The following PDE7B variants were observed in gnomAD, a reference collection of about 807,000 sequenced individuals.
PDE7B encodes the protein 3',5'-cyclic-AMP phosphodiesterase 7B.
PDE7B carries 29 observed loss-of-function variants against 56.2 expected under a neutral mutation model. That is an observed-to-expected ratio of 0.52 (90% CI 0.38 to 0.70). The LOEUF is 0.70. Among genes scored for constraint, PDE7B ranks in the 30% least tolerant of loss-of-function variants. The probability of loss-of-function intolerance (pLI) is 0.00; values close to 1 mark genes in which losing one functional copy is unlikely to be tolerated. For synonymous variants in PDE7B, 197 were observed against 196.9 expected (o/e 1.00, Z 0.00); for missense variants, 490 against 565.0 (o/e 0.87, Z 1.35).
At chr6:135,912,243 A>C (rs1776225207) in intron 1 of PDE7B, among the ~76,000 whole-genome samples, 1 of 152,216 alleles carries the variant, frequency 6.6e-6, no homozygotes, top group Non-Finnish European at 1.5e-5. Context: ...CCTGGGTTCC[A>C]CATCAGCAGA....
chr6:136,023,153 C>A (rs901249980), intron 2 of PDE7B, among the ~76,000 whole-genome samples: 1 of 152,208 alleles, frequency 6.6e-6, no homozygotes, highest in Non-Finnish European at 1.5e-5. Context: ...ATTTTAGATG[C>A]CCATGAGGCC....
intron 1 of PDE7B, among the ~76,000 whole-genome samples, chr6:135,935,217 T>TATATATATATATATATATATATA (rs1554268029): frequency 1.8e-4 from 16 of 91,160 alleles, no homozygotes; most frequent in African/African-American, 5.4e-4. Context: ...TATATATATA[T>TATATATATATATATATATATATA]TTTCATGATT....
At chr6:136,084,305 T>C (rs563831477) in intron 2 of PDE7B, among the ~76,000 whole-genome samples, 19 of 152,200 alleles carry the variant, frequency 1.2e-4, no homozygotes, top group Non-Finnish European at 2.2e-4. Flanking sequence ...CTCTAATCAA[T>C]TGATACCTTG....
intron 2 of PDE7B, chr6:136,047,171 C>T (rs902677697): frequency 6.6e-6 from 1 of 152,196 alleles, no homozygotes; most frequent in Non-Finnish European, 1.5e-5. Flanking sequence ...AGACCTGATT[C>T]TTCTACCCTC....
chr6:136,153,932 C>T lies in PDE7B; in HGVS notation c.479-143C>T, dbSNP rs982510399. ...CTAGCAGAACTGCCAAGCTTGCAAA[C>T]CACGTTTATTTTTAAAGCATCTCTA... is the stretch of plus-strand genomic sequence containing the variant. On this transcript the variant is annotated intron_variant, in intron 6 of 12. Transcript: ENST00000308191. 5.3e-5 allele frequency: 31 copies of T among 589,292 alleles called. 2 individuals are homozygous for T. The East Asian group carries it at 8.8e-4, about 17-fold the overall frequency. The allele number at this position is 589,292 out of a possible 1,614,324, so 36.5% of individuals were successfully genotyped here. A position where few individuals can be genotyped will look rare whatever the true frequency, so the allele number is the denominator to read the frequency against.
chr6:136,048,069 TGGGTGG>T (rs1776546285), intron 2 of PDE7B, among the ~76,000 whole-genome samples: 23 of 147,272 alleles, frequency 1.6e-4, no homozygotes, highest in African/African-American at 4.9e-4. Context: ...GATGGATGGA[TGGGTGG>T]ATGGATAGAT....
chr6:135,932,492 C>A (rs976347967), intron 1 of PDE7B, among the ~76,000 whole-genome samples: 5 of 151,870 alleles, frequency 3.3e-5, no homozygotes, highest in Admixed American at 6.6e-5. Context: ...TTCAGCTAGA[C>A]CTTGAATAAT....
At chr6:136,037,081 G>C (rs916209931) in intron 2 of PDE7B, among the ~76,000 whole-genome samples, 3 of 152,200 alleles carry the variant, frequency 2.0e-5, no homozygotes, top group Non-Finnish European at 4.4e-5. Context: ...ACCACTCTCA[G>C]GTCGGGGACA....
chr6:136,013,475 C>G (rs535482107), intron 2 of PDE7B, among the ~76,000 whole-genome samples: 3 of 152,316 alleles, frequency 2.0e-5, no homozygotes, highest in South Asian at 4.2e-4. Context: ...GATCTCCGCT[C>G]TCAAGTGACT....
intron 2 of PDE7B, among the ~76,000 whole-genome samples, chr6:135,994,390 G>T (rs868496146): frequency 2.0e-5 from 3 of 152,252 alleles, no homozygotes; most frequent in Middle Eastern, 3.4e-3. Flanking sequence ...ACAGGGCTGA[G>T]TTACACAAAT....
intron 12 of PDE7B, among the ~76,000 whole-genome samples, chr6:136,189,753 G>C (rs371061444): frequency 6.6e-6 from 1 of 151,424 alleles, no homozygotes; most frequent in African/African-American, 2.4e-5. Flanking sequence ...ATCCCTCCAG[G>C]AGGACAACAG....
chr6:135,939,805 A>G (rs545250057), intron 1 of PDE7B, among the ~76,000 whole-genome samples: 11 of 152,282 alleles, frequency 7.2e-5, no homozygotes, highest in African/African-American at 2.6e-4. Flanking sequence ...TCTATAAGAT[A>G]ATTCAAGAAA....
chr6:136,160,410 G>A (rs891570604), intron 8 of PDE7B, among the ~76,000 whole-genome samples: 2 of 152,116 alleles, frequency 1.3e-5, no homozygotes, highest in African/African-American at 4.8e-5. Context: ...CTCTGTGAAA[G>A]ATGAGTCTGT....
At chr6:135,857,945 A>G (rs1775067591) in intron 1 of PDE7B, among the ~76,000 whole-genome samples, 1 of 152,160 alleles carries the variant, frequency 6.6e-6, no homozygotes, top group Non-Finnish European at 1.5e-5. Context: ...AACTTGGAGT[A>G]TGGGATAGGA....
chr6:135,865,393 G>A (rs769569839), intron 1 of PDE7B, among the ~76,000 whole-genome samples: 9 of 151,730 alleles, frequency 5.9e-5, no homozygotes, highest in African/African-American at 1.9e-4. Context: ...GATATTCTTC[G>A]GTCTTAAAAT....
intron 2 of PDE7B, among the ~76,000 whole-genome samples, chr6:136,036,723 A>T (rs1776330607): frequency 6.6e-6 from 1 of 152,218 alleles, no homozygotes; most frequent in South Asian, 2.1e-4. Flanking sequence ...AGGAATGTAG[A>T]GCAGAAGCAA....
At chr6:136,156,534 T>G (rs1337260859) in intron 8 of PDE7B, among the ~76,000 whole-genome samples, 2 of 152,020 alleles carry the variant, frequency 1.3e-5, no homozygotes, top group Admixed American at 6.6e-5. Context: ...TGATTATGAC[T>G]AGGGAGAAAT....
At chr6:136,189,269 A>G (rs975878219) in intron 12 of PDE7B, among the ~76,000 whole-genome samples, 2 of 152,330 alleles carry the variant, frequency 1.3e-5, no homozygotes, top group African/African-American at 4.8e-5. Flanking sequence ...CTACATTTTA[A>G]AAGGAAGATA....
At chr6:136,033,813 T>C (rs1776282780) in intron 2 of PDE7B, among the ~76,000 whole-genome samples, 1 of 152,144 alleles carries the variant, frequency 6.6e-6, no homozygotes, top group East Asian at 1.9e-4. Flanking sequence ...GAAAGACCTG[T>C]TTTTACTTCC....
Sources: gnomAD v4.1 joint callset for allele counts (sites outside exome capture counted in the v4.1 genomes callset) on GRCh38, gnomAD v4.1.1 for gene constraint, MANE v1.5 for transcripts, NCBI Gene and HGNC (gene_info 2026-07-23, HGNC 2026-07-21) for gene names.